The following NRK variants were observed in gnomAD, a reference collection of about 807,000 sequenced individuals.
NRK encodes nik-related protein kinase.
A neutral mutation model predicts 125.2 loss-of-function variants in NRK; 67 were observed. The ratio of observed to expected loss-of-function variants is 0.54; its 90% CI spans 0.44 to 0.66. The LOEUF is 0.66. NRK is among the 30% of genes least tolerant of loss of function. The pLI is 0.00. For synonymous variants in NRK, 458 were observed against 429.0 expected (o/e 1.07, Z -0.84); for missense variants, 1,224 against 1,192.9 (o/e 1.03, Z -0.38).
At chrX:105,836,427 A>G (rs760377223) in intron 2 of NRK, among the ~76,000 whole-genome samples, 2 of 111,855 alleles carry the variant, frequency 1.8e-5, no homozygotes, top group East Asian at 5.6e-4. Context: ...CAGAAGGTAG[A>G]TGCTTAAAAA....
chrX:105,936,679 A>G (rs2147784982), intron 21 of NRK, among the ~76,000 whole-genome samples: 1 of 111,755 alleles, frequency 8.9e-6, no homozygotes, highest in Admixed American at 9.5e-5. Flanking sequence ...AAAAGCTCCC[A>G]TAGTAGTTTG....
intron 15 of NRK, 72 bp from the exon 16 acceptor site, chrX:105,917,506 A>G (rs2040381538): frequency 3.5e-6 from 2 of 576,899 alleles, no homozygotes; most frequent in Admixed American, 4.6e-5. Flanking sequence ...TTTGTGTTGG[A>G]CTTTATGTTG....
At chrX:105,933,162 GTCTGTCTA>G (rs200676411) in intron 19 of NRK, among the ~76,000 whole-genome samples, 39 of 92,545 alleles carry the variant, frequency 4.2e-4, no homozygotes, top group African/African-American at 1.4e-3. Context: ...AAATATCTAT[GTCTGTCTA>G]TCTATCTATC....
At chrX:105,913,827 C>T (rs1375544015) in intron 14 of NRK, among the ~76,000 whole-genome samples, 1 of 110,907 alleles carries the variant, frequency 9.0e-6, no homozygotes, top group Admixed American at 9.6e-5. Flanking sequence ...GGGTCTGGGA[C>T]ATTTAATCTA....
intron 5 of NRK, among the ~76,000 whole-genome samples, chrX:105,889,446 C>G (rs1049871262): frequency 8.9e-6 from 1 of 111,789 alleles, no homozygotes; most frequent in Admixed American, 9.4e-5. Context: ...ATTCAGGGTT[C>G]TGGAGGACAG....
At chrX:105,916,695 ATT>A (rs1236974317) in intron 15 of NRK, among the ~76,000 whole-genome samples, 1 of 111,604 alleles carries the variant, frequency 9.0e-6, no homozygotes, top group Non-Finnish European at 1.9e-5. Flanking sequence ...CAATGAATGG[ATT>A]GTCATGGTCG....
intron 19 of NRK, among the ~76,000 whole-genome samples, chrX:105,929,248 C>T (rs977699738): frequency 9.0e-6 from 1 of 111,127 alleles, no homozygotes; most frequent in East Asian, 2.8e-4. Context: ...CCGTGTTTTT[C>T]TCTTTTTTAC....
At chrX:105,875,130 A>G (rs927672406) in intron 2 of NRK, among the ~76,000 whole-genome samples, 5 of 111,653 alleles carry the variant, frequency 4.5e-5, no homozygotes, top group African/African-American at 1.3e-4. Flanking sequence ...TAGCCTTTGC[A>G]TTTGGTTCTA....
At chrX:105,948,584 T>G in intron 26 of NRK, 1 of 458,074 alleles carries the variant, frequency 2.2e-6, no homozygotes, top group Non-Finnish European at 3.8e-6. Context: ...ACAACCTTCT[T>G]TCCTGCAATT....
chrX:105,846,994 A>G (rs1011170806), intron 2 of NRK, among the ~76,000 whole-genome samples: 5 of 112,128 alleles, frequency 4.5e-5, no homozygotes, highest in African/African-American at 1.3e-4. Context: ...AGTGAAGTTA[A>G]ATAACTTGTC....
At chrX:105,916,817 C>T (rs2040371343) in intron 15 of NRK, among the ~76,000 whole-genome samples, 1 of 111,711 alleles carries the variant, frequency 9.0e-6, no homozygotes, top group Admixed American at 9.5e-5. Flanking sequence ...TGGTGTTAAA[C>T]TCAGAGTAAT....
intron 2 of NRK, among the ~76,000 whole-genome samples, chrX:105,859,284 C>T (rs1030686489): frequency 1.2e-4 from 13 of 111,162 alleles, no homozygotes; most frequent in Non-Finnish European, 2.1e-4. Context: ...GCTGAATTTC[C>T]ACTTCCAAGC....
Position 105,909,651 on chromosome X carries a change from A to G in NRK, c.2010A>G (p.Ser670=), listed in dbSNP as rs1435166351. The G allele has an allele frequency of 8.3e-7, 1 of 1,199,199 alleles. No homozygotes were observed. The highest frequency in any genetic ancestry group is 1.1e-6 in the Non-Finnish European group (1 of 888,823). The change falls in exon 13 of 29, where the codon TCA becomes TCG. Residue 670 remains serine, a synonymous_variant. Coordinates refer to ENST00000243300, the MANE Select transcript of NRK (RefSeq NM_198465.4). The part of the protein sequence containing the change: ...GPLQTLMENL[S]SNRFYSQPEQ... ...TGCAAACCCTGATGGAAAATCTGTC[A>G]TCAAATAGGTTTTACTCACAACCAG...
intron 2 of NRK, among the ~76,000 whole-genome samples, chrX:105,874,356 A>T (rs2039787144): frequency 8.9e-6 from 1 of 112,353 alleles, no homozygotes; most frequent in Non-Finnish European, 1.9e-5. Flanking sequence ...ACTATGGTAG[A>T]CTTGTTGATC....
At chrX:105,899,860 C>T (rs916683173) in intron 8 of NRK, among the ~76,000 whole-genome samples, 1 of 109,983 alleles carries the variant, frequency 9.1e-6, no homozygotes, top group Non-Finnish European at 1.9e-5. Flanking sequence ...CCTAGCTACT[C>T]GGGAGGCTGA....
At chrX:105,874,179 C>T (rs963810787) in intron 2 of NRK, among the ~76,000 whole-genome samples, 1 of 111,522 alleles carries the variant, frequency 9.0e-6, no homozygotes, top group Non-Finnish European at 1.9e-5. Flanking sequence ...TCTCATCTCT[C>T]CCCACACTCC....
chrX:105,926,145 A>G (rs1369585222), intron 19 of NRK, among the ~76,000 whole-genome samples: 4 of 111,598 alleles, frequency 3.6e-5, no homozygotes, highest in Non-Finnish European at 7.6e-5. Flanking sequence ...CATTCTAACT[A>G]GGATGAGATA....
intron 5 of NRK, 55 bp from the exon 6 acceptor site, chrX:105,893,777 G>T: frequency 2.7e-6 from 2 of 736,438 alleles, no homozygotes; most frequent in Non-Finnish European, 4.2e-6. Context: ...AAACTCTCCA[G>T]ATATTTTCAG....
At chrX:105,840,702 T>C (rs1278916643) in intron 2 of NRK, among the ~76,000 whole-genome samples, 1 of 111,404 alleles carries the variant, frequency 9.0e-6, no homozygotes, top group Non-Finnish European at 1.9e-5. Context: ...GGAAAATTTA[T>C]CTGTACAATA....
Sources: gnomAD v4.1 joint callset for allele counts (sites outside exome capture counted in the v4.1 genomes callset) on GRCh38, gnomAD v4.1.1 for gene constraint, MANE v1.5 for transcripts, NCBI Gene and HGNC (gene_info 2026-07-23, HGNC 2026-07-21) for gene names.